The following NFIA variants were observed in gnomAD, a reference collection of about 807,000 sequenced individuals.
NFIA encodes nuclear factor 1 A-type.
A neutral mutation model predicts 62.8 loss-of-function variants in NFIA; 8 were observed. The ratio of observed to expected loss-of-function variants is 0.13; its 90% confidence interval spans 0.07 to 0.23. The LOEUF is 0.23. NFIA is among the 10% of genes least tolerant of loss of function. NFIA has a pLI of 1.00. For synonymous variants in NFIA, 235 were observed against 238.1 expected (o/e 0.99, Z 0.12); for missense variants, 410 against 642.1 (o/e 0.64, Z 3.91).
chr1:61,377,793 C>T (rs1192409549), intron 6 of NFIA, among the ~76,000 whole-genome samples: 1 of 152,230 alleles, frequency 6.6e-6, no homozygotes, highest in Non-Finnish European at 1.5e-5. Flanking sequence ...TCCCGAGCAG[C>T]ACTTACCAGG....
intron 2 of NFIA, among the ~76,000 whole-genome samples, chr1:61,272,558 G>C (rs1255803825): frequency 1.3e-5 from 2 of 152,190 alleles, no homozygotes; most frequent in Non-Finnish European, 2.9e-5. Context: ...CAACCTTATA[G>C]ATGTAGAAAA....
At chr1:61,432,295 G>A (rs2207790) in intron 10 of NFIA, among the ~76,000 whole-genome samples, 62,044 of 147,990 alleles carry the variant, frequency 0.42, 13,860 homozygotes, top group South Asian at 0.59. Flanking sequence ...GTTCAGTTCT[G>A]TCTTCCCTGG....
chr1:61,298,479 C>T (rs1006550981), intron 3 of NFIA, among the ~76,000 whole-genome samples: 1 of 152,148 alleles, frequency 6.6e-6, no homozygotes, highest in African/African-American at 2.4e-5. Flanking sequence ...GATCAGTTCA[C>T]CTTTGGCCAT....
At chr1:61,358,345 C>A (rs1663074604) in intron 5 of NFIA, among the ~76,000 whole-genome samples, 1 of 146,586 alleles carries the variant, frequency 6.8e-6, no homozygotes, top group Non-Finnish European at 1.5e-5. Flanking sequence ...AAAAAGCAAT[C>A]CAAACTTTTC....
chr1:61,353,406 G>T (rs12030125), intron 5 of NFIA, among the ~76,000 whole-genome samples: 30,456 of 152,062 alleles, frequency 0.2, 3,198 homozygotes, highest in African/African-American at 0.22. Context: ...GTTGTCTCTA[G>T]ATAACCTGTA....
At chr1:61,322,561 G>GGT (rs1660731476) in intron 3 of NFIA, among the ~76,000 whole-genome samples, 1 of 152,062 alleles carries the variant, frequency 6.6e-6, no homozygotes, top group South Asian at 2.1e-4. Flanking sequence ...GGTACGTGGG[G>GGT]GTAGAAGTTG....
intron 2 of NFIA, among the ~76,000 whole-genome samples, chr1:61,187,298 T>C (rs1651258915): frequency 6.6e-6 from 1 of 152,186 alleles, no homozygotes; most frequent in African/African-American, 2.4e-5. Context: ...TTAGCATCCA[T>C]GCTGGTATAT....
At chr1:61,448,709 C>G (rs1667934059) in intron 10 of NFIA, among the ~76,000 whole-genome samples, 1 of 152,148 alleles carries the variant, frequency 6.6e-6, no homozygotes, top group African/African-American at 2.4e-5. Flanking sequence ...ACACAGCTCT[C>G]TAGTAGGATC....
chr1:61,403,267 T>G (rs111671153), intron 7 of NFIA, among the ~76,000 whole-genome samples: 1,594 of 152,348 alleles, frequency 0.01, 19 homozygotes, highest in African/African-American at 0.037. Flanking sequence ...GCCAGTTTTA[T>G]CAATCATCCT....
intron 2 of NFIA, among the ~76,000 whole-genome samples, chr1:61,243,273 A>G (rs1023839750): frequency 1.3e-5 from 2 of 152,186 alleles, no homozygotes. Flanking sequence ...TTAGCAGGGC[A>G]AATGTGTGAT....
At chr1:61,365,346 T>TA (rs1176122434) in intron 6 of NFIA, among the ~76,000 whole-genome samples, 1 of 152,210 alleles carries the variant, frequency 6.6e-6, no homozygotes, top group Admixed American at 6.5e-5. Flanking sequence ...CCCTACTCAG[T>TA]ACTTGTCTGG....
intron 2 of NFIA, among the ~76,000 whole-genome samples, chr1:61,256,037 C>T (rs566866051): frequency 2.0e-5 from 3 of 152,220 alleles, no homozygotes; most frequent in South Asian, 2.1e-4. Context: ...TGGCTTCCCT[C>T]GACCACATTG....
intron 7 of NFIA, among the ~76,000 whole-genome samples, chr1:61,387,433 A>G (rs1162061721): frequency 6.7e-6 from 1 of 148,834 alleles, no homozygotes; most frequent in Non-Finnish European, 1.5e-5. Flanking sequence ...GCCCAGCAAC[A>G]TTCTGCCCAT....
Position 61,383,221 on chromosome 1 carries a change from T to C in NFIA, c.947-16T>C, listed in dbSNP as rs1664508822. 6.2e-7 allele frequency: 1 copy of C among 1,613,782 alleles called. No homozygotes were observed. The highest frequency in any genetic ancestry group is 8.5e-7 in the Non-Finnish European group (1 of 1,179,822). ...CATGAATTAAAGTGTACTTACCAGT[T>C]GATCCTTCTTGCCAGGAATGCCATC... On this transcript the variant is annotated splice_polypyrimidine_tract_variant and intron_variant, in intron 6 of 10. Transcript: ENST00000403491.
chr1:61,262,932 G>A (rs192619500), intron 2 of NFIA, among the ~76,000 whole-genome samples: 2 of 152,042 alleles, frequency 1.3e-5, no homozygotes, highest in Non-Finnish European at 2.9e-5. Flanking sequence ...CTGATAATTC[G>A]GAGACACCTT....
At chr1:61,399,603 A>G (rs1665450033) in intron 7 of NFIA, among the ~76,000 whole-genome samples, 1 of 152,240 alleles carries the variant, frequency 6.6e-6, no homozygotes, top group African/African-American at 2.4e-5. Context: ...GAGTTATTAG[A>G]GTTCTTGGAG....
intron 2 of NFIA, among the ~76,000 whole-genome samples, chr1:61,214,647 C>T (rs1653492476): frequency 6.6e-6 from 1 of 152,150 alleles, no homozygotes; most frequent in Non-Finnish European, 1.5e-5. Context: ...ACGGTGACTT[C>T]TGAATCTGGA....
At chr1:61,271,938 T>C (rs1247710982) in intron 2 of NFIA, among the ~76,000 whole-genome samples, 2 of 152,250 alleles carry the variant, frequency 1.3e-5, no homozygotes, top group Non-Finnish European at 2.9e-5. Flanking sequence ...TTTTATGGTA[T>C]GACTCACCTC....
chr1:61,328,325 C>T (rs541501209), intron 3 of NFIA, among the ~76,000 whole-genome samples: 2 of 152,084 alleles, frequency 1.3e-5, no homozygotes, highest in African/African-American at 4.8e-5. Context: ...TATTTGGCTC[C>T]TTCGTATCTT....
Sources: allele counts gnomAD v4.1 joint callset (sites outside exome capture counted in the v4.1 genomes callset), GRCh38; gene constraint gnomAD v4.1.1; transcripts MANE v1.5; gene names NCBI Gene and HGNC (gene_info 2026-07-23, HGNC 2026-07-21).